The following NMT2 variants were observed in gnomAD, a reference collection of about 807,000 sequenced individuals.
NMT2 encodes N-myristoyltransferase 2, also known as glycylpeptide N-tetradecanoyltransferase 2.
A neutral mutation model predicts 65.4 loss-of-function variants in NMT2; 35 were observed. The ratio of observed to expected loss-of-function variants is 0.54; its 90% CI spans 0.41 to 0.71. The LOEUF is 0.71. NMT2 is among the 30% of genes least tolerant of loss of function. The pLI, the probability that NMT2 is intolerant of heterozygous loss-of-function variation, is 0.00. For synonymous variants in NMT2, 226 were observed against 231.8 expected (o/e 0.98, Z 0.23); for missense variants, 489 against 611.3 (o/e 0.80, Z 2.11).
chr10:15,127,558 A>AT lies in NMT2; in HGVS notation c.999+791_999+792insA, dbSNP rs1270017653. On this transcript the variant is annotated intron_variant, in intron 8 of 11. Transcript: ENST00000378165. The stretch of plus-strand genomic sequence containing the variant: ...TGAGACTCCGTCTCAAAAAAAAAAA[A>AT]AAAAAAAAAAAATAAATAAATAAAT... Among the ~76,000 whole-genome samples, 64 of 95,566 alleles carry AT rather than the reference A, an allele frequency of 6.7e-4. 2 individuals are homozygous for AT. The African/African-American group carries it at 6.7e-3, about 10-fold the overall frequency. 62.7% of individuals were successfully genotyped at this position (95,566 alleles called of 152,430 possible). A position where few individuals can be genotyped will look rare whatever the true frequency, so the allele number is the denominator to read the frequency against.
chr10:15,155,288 G>C (rs752533257), intron 1 of NMT2: 2 of 1,393,280 alleles, frequency 1.4e-6, no homozygotes, highest in Non-Finnish European at 2.0e-6. Flanking sequence ...CGCTGTTGAT[G>C]GCGATGTTGA....
intron 6 of NMT2, among the ~76,000 whole-genome samples, chr10:15,131,377 C>T (rs1219535134): frequency 6.6e-6 from 1 of 151,418 alleles, no homozygotes; most frequent in African/African-American, 2.4e-5. Context: ...TCTCGACCTC[C>T]TGGCCTCAAG....
intron 1 of NMT2, among the ~76,000 whole-genome samples, chr10:15,152,514 TG>T (rs1489584551): frequency 6.6e-6 from 1 of 152,180 alleles, no homozygotes; most frequent in Non-Finnish European, 1.5e-5. Flanking sequence ...CAGCAAAAAG[TG>T]AACTCAAGAA....
At position 15,108,421 on chromosome 10, in the gene NMT2, A is replaced by G. The variant is rs1050080187; in HGVS notation, c.*774T>C. 4.5e-5 allele frequency: 33 copies of G among 726,134 alleles called. No homozygotes were observed. Among genetic ancestry groups the G allele is most frequent in the Non-Finnish European group, 5.4e-5 (32 of 594,062 alleles). The allele number at this position is 726,134 out of a possible 1,614,324, so 45.0% of individuals were successfully genotyped here. On this transcript the variant is annotated 3_prime_UTR_variant, in exon 12 of 12. Coordinates refer to ENST00000378165, the MANE Select transcript of NMT2 (RefSeq NM_004808.3). ...AGAATGGTCTCGATCTCCTGACCTC[A>G]TGATCTGCCCACCTTGGCCTCCCAA...
At chr10:15,117,094 A>G (rs1278645163) in intron 9 of NMT2, among the ~76,000 whole-genome samples, 1 of 152,228 alleles carries the variant, frequency 6.6e-6, no homozygotes, top group Non-Finnish European at 1.5e-5. Context: ...AACCAGACAG[A>G]CATTACAAAA....
chr10:15,115,739 G>C (rs1035290550), intron 9 of NMT2, among the ~76,000 whole-genome samples: 1 of 152,184 alleles, frequency 6.6e-6, no homozygotes, highest in Non-Finnish European at 1.5e-5. Flanking sequence ...TAGTTTGAAA[G>C]TAAAAGGATG....
intron 1 of NMT2, among the ~76,000 whole-genome samples, chr10:15,145,466 G>T (rs919317833): frequency 1.3e-5 from 2 of 152,158 alleles, no homozygotes; most frequent in African/African-American, 4.8e-5. Context: ...TGCAACCTCT[G>T]CCTCCTGTGT....
chr10:15,111,169 C>T (rs1845499909), intron 10 of NMT2, among the ~76,000 whole-genome samples: 1 of 152,098 alleles, frequency 6.6e-6, no homozygotes, highest in Admixed American at 6.5e-5. Flanking sequence ...TTTCTAAGTC[C>T]TACCTTGGCT....
chr10:15,109,319 A>G, intron 11 of NMT2, 104 bp from the exon 12 acceptor site: 1 of 1,410,352 alleles, frequency 7.1e-7, no homozygotes, highest in Non-Finnish European at 9.5e-7. Flanking sequence ...TCACACCTGT[A>G]ATCCCGGCAC....
chr10:15,144,599 C>T (rs948148635), intron 1 of NMT2, among the ~76,000 whole-genome samples: 11 of 152,216 alleles, frequency 7.2e-5, no homozygotes, highest in South Asian at 4.2e-4. Flanking sequence ...GGCGTGGTGG[C>T]GGGCGCCTGT....
At chr10:15,158,059 A>G (rs2131622800) in intron 1 of NMT2, among the ~76,000 whole-genome samples, 1 of 152,322 alleles carries the variant, frequency 6.6e-6, no homozygotes, top group South Asian at 2.1e-4. Context: ...TCACGCTTGT[A>G]GACCCAGCAC....
chr10:15,106,553 C>A lies in NMT2; in HGVS notation c.*2642G>T. 1.6e-6 allele frequency: 1 copy of A among 623,940 alleles called. No homozygotes were observed. Among genetic ancestry groups the A allele is most frequent in the Non-Finnish European group, 2.0e-6 (1 of 499,506 alleles). The allele number at this position is 623,940 out of a possible 1,614,324, so 38.7% of individuals were successfully genotyped here. A position where few individuals can be genotyped will look rare whatever the true frequency, so the allele number is the denominator to read the frequency against. ...GTCTTCCATTATCTCCAAGAGAGGT[C>A]CTATATTATGTACTACTGTGGGGCC... On this transcript the variant is annotated 3_prime_UTR_variant, in exon 12 of 12. Transcript: ENST00000378165.
intron 9 of NMT2, among the ~76,000 whole-genome samples, chr10:15,118,448 A>C (rs1554821257): frequency 6.6e-6 from 1 of 152,228 alleles, no homozygotes; most frequent in Non-Finnish European, 1.5e-5. Context: ...CGGAGGCAGG[A>C]GAATAGCTTG....
At chr10:15,158,578 A>C (rs1833082183) in intron 1 of NMT2, among the ~76,000 whole-genome samples, 1 of 152,188 alleles carries the variant, frequency 6.6e-6, no homozygotes, top group Non-Finnish European at 1.5e-5. Flanking sequence ...AAACACATGC[A>C]AGGTACCAGG....
At chr10:15,143,644 C>T (rs1846854061) in intron 1 of NMT2, among the ~76,000 whole-genome samples, 1 of 152,198 alleles carries the variant, frequency 6.6e-6, no homozygotes, top group African/African-American at 2.4e-5. Flanking sequence ...ATCGCTTGAG[C>T]CTAGAAGGAT....
intron 8 of NMT2, among the ~76,000 whole-genome samples, chr10:15,127,844 A>G (rs1846148011): frequency 6.6e-6 from 1 of 151,740 alleles, no homozygotes; most frequent in African/African-American, 2.4e-5. Flanking sequence ...CAGAGGTTGC[A>G]GTGAGCTGAG....
At chr10:15,168,443 G>A in intron 1 of NMT2, 60 bp downstream of exon 1, 2 of 1,299,304 alleles carry the variant, frequency 1.5e-6, no homozygotes, top group Admixed American at 1.8e-5. Context: ...CCGAACGGGA[G>A]ACCGTGGCGC....
chr10:15,122,050 A>G (rs1845945964), intron 8 of NMT2, among the ~76,000 whole-genome samples: 1 of 152,218 alleles, frequency 6.6e-6, no homozygotes, highest in South Asian at 2.1e-4. Context: ...GGGAAGACCA[A>G]AACCATATAA....
In NMT2 at chr10:15,108,002, T is replaced by G; in HGVS notation, c.*1193A>C. 1.0e-6 allele frequency: 1 copy of G among 985,838 alleles called. No individual in the cohort carries two copies. The highest frequency in any genetic ancestry group is 1.2e-6 in the Non-Finnish European group (1 of 829,934). 61.1% of individuals were successfully genotyped at this position (985,838 alleles called of 1,614,324 possible). ...TCAGCATAGAGGAGTATGTGCAATT[T>G]TGCATAAGTAATAAAAACATTCAAA... On this transcript the variant is annotated 3_prime_UTR_variant, in exon 12 of 12. Transcript: ENST00000378165.
Sources: allele counts gnomAD v4.1 joint callset (sites outside exome capture counted in the v4.1 genomes callset), GRCh38; gene constraint gnomAD v4.1.1; transcripts MANE v1.5; gene names NCBI Gene and HGNC (gene_info 2026-07-23, HGNC 2026-07-21).